Variants in CAPN1 observed in about 807,000 individuals in gnomAD.
CAPN1 encodes the protein calpain-1 catalytic subunit.
Under a neutral mutation model 105.2 loss-of-function variants are expected in CAPN1, and 77 were observed. The ratio of observed to expected loss-of-function variants is 0.73; its 90% CI spans 0.61 to 0.88. The LOEUF (loss-of-function observed/expected upper bound fraction) is 0.88. Ranked by LOEUF, CAPN1 falls within the 40% of genes least tolerant of loss-of-function variation. The probability of loss-of-function intolerance (pLI) is 0.00; values close to 1 mark genes in which losing one functional copy is unlikely to be tolerated. For missense variants in CAPN1, 833 were observed against 976.6 expected (o/e 0.85, Z 1.96); for synonymous variants, 355 against 388.8 (o/e 0.91, Z 1.02).
chr11:65,200,153 A>C (rs191876082), intron 10 of CAPN1, among the ~76,000 whole-genome samples: 148 of 152,202 alleles, frequency 9.7e-4, no homozygotes, highest in African/African-American at 3.3e-3. Flanking sequence ...AGGCTCAAGG[A>C]ATCCTTCCAC....
Position 65,187,279 on chromosome 11 carries a change from C to T in CAPN1, c.824C>T (p.Ser275Phe), listed in dbSNP as rs1948647899. Reference sequence around the variant, plus strand: ...AAGTTGGTGAAGGGCCATGCCTACTCTGTGACCGGGGCCAAGCAGGTACTG... The same window carrying T: ...AAGTTGGTGAAGGGCCATGCCTACTTTGTGACCGGGGCCAAGCAGGTACTG... ...FKKLVKGHAYSVTGAKQVNYR... is the reference protein window; with the variant it reads ...FKKLVKGHAYFVTGAKQVNYR... The change falls in exon 7 of 22, where the codon TCT (serine) becomes TTT (phenylalanine). Residue 275 changes from serine (S) to phenylalanine (F), a missense_variant. By Grantham distance (155) the Ser-to-Phe change is radical. Coordinates refer to ENST00000279247, the MANE Select transcript of CAPN1 (RefSeq NM_005186.4). The T allele has an allele frequency of 2.5e-6, 4 of 1,612,838 alleles. No homozygotes were observed. The highest frequency in any genetic ancestry group is 1.7e-5 in the Admixed American group (1 of 59,890).
At chr11:65,205,743 A>T (rs1423517367) in intron 12 of CAPN1, 22 bp downstream of exon 12, 3 of 1,611,478 alleles carry the variant, frequency 1.9e-6, no homozygotes, top group Non-Finnish European at 2.5e-6. Flanking sequence ...ACCATGACCC[A>T]CCTGCAGTCA....
At position 65,210,539 on chromosome 11, in the gene CAPN1, A is replaced by T; in HGVS notation, c.2059+87A>T. 1 of 845,216 alleles carries T rather than the reference A, an allele frequency of 1.2e-6. No individual in the cohort carries two copies. The highest frequency in any genetic ancestry group is 1.4e-5 in the South Asian group (1 of 69,736). The allele number at this position is 845,216 out of a possible 1,614,324, so 52.4% of individuals were successfully genotyped here. A position where few individuals can be genotyped will look rare whatever the true frequency, so the allele number is the denominator to read the frequency against. ...GGGGGGAATGACAGATGGGTGAATT[A>T]GCAGATACAGGCCAGTGCTGTGGGT... On this transcript the variant is annotated intron_variant, in intron 20 of 21. Coordinates refer to ENST00000279247, the MANE Select transcript of CAPN1 (RefSeq NM_005186.4). The surrounding 1 kb of genome is among the most constrained non-coding windows in gnomAD (Gnocchi z 4.3).
At chr11:65,201,037 C>T (rs562864357) in intron 10 of CAPN1, among the ~76,000 whole-genome samples, 3 of 148,856 alleles carry the variant, frequency 2.0e-5, no homozygotes, top group East Asian at 2.0e-4. Flanking sequence ...CTCCTTCTCC[C>T]GGGTTCGTGC....
intron 10 of CAPN1, among the ~76,000 whole-genome samples, chr11:65,189,451 C>T (rs1055226232): frequency 6.6e-6 from 1 of 152,176 alleles, no homozygotes; most frequent in African/African-American, 2.4e-5. Flanking sequence ...AGCTCAGCCC[C>T]CACCATGAGG....
chr11:65,185,298 G>A (rs779616545), intron 4 of CAPN1, among the ~76,000 whole-genome samples: 3 of 151,826 alleles, frequency 2.0e-5, no homozygotes, highest in Admixed American at 6.6e-5. Flanking sequence ...AGGTTATAGT[G>A]GCAAGACAGA....
chr11:65,189,662 A>G (rs1283730300), intron 10 of CAPN1, among the ~76,000 whole-genome samples: 2 of 152,144 alleles, frequency 1.3e-5, no homozygotes, highest in Non-Finnish European at 2.9e-5. Context: ...AAACACTTTC[A>G]GTTCCCTGGC....
chr11:65,182,623 G>A, intron 1 of CAPN1, 78 bp from the exon 2 acceptor site: 1 of 1,414,480 alleles, frequency 7.1e-7, no homozygotes, highest in Non-Finnish European at 9.3e-7. Flanking sequence ...AGGGGCAGGA[G>A]AGCAGAGCTT....
At chr11:65,183,258 C>T in intron 3 of CAPN1, 61 bp downstream of exon 3, 6 of 1,482,026 alleles carry the variant, frequency 4.0e-6, no homozygotes, top group South Asian at 2.3e-5. Flanking sequence ...CATTCCCGCT[C>T]CTTCAGGCTC....
Position 65,209,936 on chromosome 11 carries a change from CCT to C in CAPN1, c.1863+21_1863+22del, listed in dbSNP as rs1186058241. 2 of 1,613,320 alleles carry C rather than the reference CCT, an allele frequency of 1.2e-6. No individual in the cohort carries two copies. The highest frequency in any genetic ancestry group is 1.7e-5 in the Admixed American group (1 of 59,996). On this transcript the variant is annotated intron_variant, in intron 18 of 21. Coordinates refer to ENST00000279247, the MANE Select transcript of CAPN1 (RefSeq NM_005186.4). This position sits in a 1 kb window ranked among gnomAD's most constrained non-coding sequence, Gnocchi z 4.1. ...TTACCTGGTAGGTTGTCCCCACTCA[CCT>C]CAGTCATGCAGGTGCGGGCCGGGCA...
chr11:65,210,419 G>A lies in CAPN1; in HGVS notation c.2026G>A (p.Val676Ile), dbSNP rs17884773. 1,167 of 1,612,826 alleles carry A rather than the reference G, an allele frequency of 7.2e-4. 24 individuals are homozygous for A. The East Asian group carries it at 0.017, about 23-fold the overall frequency. The change falls in exon 20 of 22, where the codon GTT becomes ATT. Residue 676 changes from valine (V) to isoleucine (I), a missense_variant. By Grantham distance (29) the Val-to-Ile change is conservative (BLOSUM62 3). Transcript: ENST00000279247. This position sits in a 1 kb window ranked among gnomAD's most constrained non-coding sequence, Gnocchi z 4.3. ...PDLAVDFDNF[V>I]CCLVRLETMF... ...CCTGGCGGTCGACTTTGACAATTTC[G>A]TTTGCTGCCTGGTGCGGCTAGAGAC...
chr11:65,204,783 C>G lies in CAPN1; in HGVS notation c.1266C>G (p.Ala422=). ...AGTCAGGCTGCAGCTTCGTGCTCGC[C>G]CTTATGCAGAAGCACCGTCGCCGCG... The part of the protein sequence containing the change: ...DRESGCSFVL[A]LMQKHRRRER... Residue 422 remains alanine (A), a synonymous_variant, in exon 11 of 22, where the codon GCC becomes GCG. Transcript: ENST00000279247. 6.2e-7 allele frequency: 1 copy of G among 1,613,050 alleles called. No individual in the cohort carries two copies. Among genetic ancestry groups the G allele is most frequent in the Non-Finnish European group, 8.5e-7 (1 of 1,179,796 alleles).
chr11:65,188,105 C>A lies in CAPN1; in HGVS notation c.929+65C>A. On this transcript the variant is annotated intron_variant, in intron 8 of 21. Coordinates refer to ENST00000279247, the MANE Select transcript of CAPN1 (RefSeq NM_005186.4). This position sits in a 1 kb window ranked among gnomAD's most constrained non-coding sequence, Gnocchi z 5.5. ...ACTGTTAGGTGCCCCGACATTTCTGCTCGGGACTCTACCAGGCCAGGCTGG... is the reference window on the plus strand; with the variant it reads ...ACTGTTAGGTGCCCCGACATTTCTGATCGGGACTCTACCAGGCCAGGCTGG... 8.8e-7 allele frequency: 1 copy of A among 1,141,832 alleles called. No homozygotes were observed. The highest frequency in any genetic ancestry group is 1.3e-6 in the Non-Finnish European group (1 of 797,820). The allele number at this position is 1,141,832 out of a possible 1,614,324, so 70.7% of individuals were successfully genotyped here.
intron 3 of CAPN1, 104 bp from the exon 4 acceptor site, chr11:65,183,370 T>A (rs768755758): frequency 2.0e-5 from 23 of 1,123,194 alleles, no homozygotes; most frequent in Non-Finnish European, 2.9e-5. Flanking sequence ...CTGAGGGGAG[T>A]TAAGTGGCAC....
In CAPN1 at chr11:65,183,588, T is replaced by A; in HGVS notation, c.452T>A (p.Phe151Tyr). Residue 151 changes from phenylalanine to tyrosine, a missense_variant, in exon 4 of 22, where the codon TTC becomes TAC. By Grantham distance (22) the Phe-to-Tyr change is conservative. Transcript: ENST00000279247. ...FQNGYAGIFH[F>Y]QLWQFGEWVD... The stretch of plus-strand genomic sequence containing the variant: ...AATGGCTATGCCGGCATCTTCCATT[T>A]CCAGGTGAGGGCTCCCCTGGGGAGG... 1 of 1,609,156 alleles carries A rather than the reference T, an allele frequency of 6.2e-7. No individual in the cohort carries two copies. The highest frequency in any genetic ancestry group is 1.1e-5 in the South Asian group (1 of 90,994).
chr11:65,201,275 T>TG (rs1413427417), intron 10 of CAPN1, among the ~76,000 whole-genome samples: 1 of 151,804 alleles, frequency 6.6e-6, no homozygotes, highest in African/African-American at 2.4e-5. Context: ...TTTGTAGTGA[T>TG]GGGGTCTCCC....
rs1451053890 is a variant in CAPN1 at position 65,208,309 on chromosome 11, T to A, written c.1729+47T>A. 1 of 1,510,886 alleles carries A rather than the reference T, an allele frequency of 6.6e-7. No individual in the cohort carries two copies. Among genetic ancestry groups the A allele is most frequent in the African/African-American group, 1.4e-5 (1 of 72,314 alleles). 93.6% of individuals were successfully genotyped at this position (1,510,886 alleles called of 1,614,324 possible). A position where few individuals can be genotyped will look rare whatever the true frequency, so the allele number is the denominator to read the frequency against. ...CCACCACCCCACCATTTCTTCCACATCAGAATCCAGGCTCCTGCTCACACA... is the reference window on the plus strand; with the variant it reads ...CCACCACCCCACCATTTCTTCCACAACAGAATCCAGGCTCCTGCTCACACA... On this transcript the variant is annotated intron_variant, in intron 16 of 21. Transcript: ENST00000279247. The surrounding 1 kb of genome is among the most constrained non-coding windows in gnomAD (Gnocchi z 4.1).
intron 10 of CAPN1, among the ~76,000 whole-genome samples, chr11:65,196,377 G>A (rs1489998055): frequency 2.0e-5 from 3 of 151,286 alleles, no homozygotes; most frequent in Non-Finnish European, 4.4e-5. Flanking sequence ...TATCATAGTG[G>A]GACATATTTT....
At chr11:65,203,653 G>T (rs534667856) in intron 10 of CAPN1, 1 of 152,222 alleles carries the variant, frequency 6.6e-6, no homozygotes, top group Non-Finnish European at 1.5e-5. Flanking sequence ...GAGCCACCGC[G>T]CCCTGCCACA....
Sources: allele counts gnomAD v4.1 joint callset (sites outside exome capture counted in the v4.1 genomes callset), GRCh38; gene constraint gnomAD v4.1.1; non-coding constraint Gnocchi (gnomAD v3.1); transcripts MANE v1.5; gene names NCBI Gene and HGNC (gene_info 2026-07-23, HGNC 2026-07-21).